RNF144B: variants seen among roughly 807,000 people sequenced by gnomAD.
The protein encoded by RNF144B is E3 ubiquitin-protein ligase RNF144B.
In RNF144B, 25 loss-of-function variants were observed where a neutral mutation model predicts 40.2. The ratio of observed to expected loss-of-function variants is 0.62; its 90% CI spans 0.45 to 0.87. RNF144B has a LOEUF of 0.87. RNF144B is among the 40% of genes least tolerant of loss of function. The pLI is 0.00. For synonymous variants in RNF144B, 145 were observed against 136.3 expected, an observed-to-expected ratio of 1.06 and a Z score of -0.44; for missense variants, 365 against 373.7, an observed-to-expected ratio of 0.98 and a Z score of 0.19.
At chr6:18,455,876 T>C (rs984567834) in intron 4 of RNF144B, among the ~76,000 whole-genome samples, 1 of 152,164 alleles carries the variant, frequency 6.6e-6, no homozygotes, top group Non-Finnish European at 1.5e-5. Flanking sequence ...GCCTTTTGTT[T>C]CTAGAACATG....
rs1312962385 is a variant in RNF144B, at chr6:18,459,443, G to A, written c.537-164G>A. ...CCAAAATAAATAAAGATTCCTTCTT[G>A]TATGAGTTATCTGTACATCTAATAA... On this transcript the variant is annotated intron_variant, in intron 5 of 7. Transcript: ENST00000259939. This position sits in a 1 kb window ranked among gnomAD's most constrained non-coding sequence, Gnocchi z 4.2. Among the ~76,000 whole-genome samples, 1 of 152,154 alleles carries A rather than the reference G, an allele frequency of 6.6e-6. No homozygotes were observed. The highest frequency in any genetic ancestry group is 1.5e-5 in the Non-Finnish European group (1 of 68,028).
intron 2 of RNF144B, among the ~76,000 whole-genome samples, chr6:18,403,469 A>C (rs1182402162): frequency 1.3e-5 from 2 of 152,250 alleles, no homozygotes; most frequent in Non-Finnish European, 1.5e-5. Flanking sequence ...AATAAAGTCC[A>C]GCCATATTCT....
At chr6:18,461,625 G>A (rs1759457530) in intron 6 of RNF144B, among the ~76,000 whole-genome samples, 1 of 152,188 alleles carries the variant, frequency 6.6e-6, no homozygotes, top group Non-Finnish European at 1.5e-5. Flanking sequence ...ATGAAATGGT[G>A]CAGATGTTAA....
rs1006955807 is a variant in RNF144B, at chr6:18,400,239, C to T, written c.165+540C>T. Among the ~76,000 whole-genome samples the T allele has an allele frequency of 6.7e-6, 1 of 150,036 alleles. No individual in the cohort carries two copies. Among genetic ancestry groups the T allele is most frequent in the Non-Finnish European group, 1.5e-5 (1 of 67,814 alleles). ...AGTGAGCCGAGATCAGGCCACTGCA[C>T]TCCAGCCTGGGCGACAGAGCGAGAC... On this transcript the variant is annotated intron_variant, in intron 2 of 7. Coordinates refer to ENST00000259939, the MANE Select transcript of RNF144B (RefSeq NM_182757.4). The surrounding 1 kb of genome is among the most constrained non-coding windows in gnomAD (Gnocchi z 5.6).
chr6:18,390,935 G>C (rs1244212863), intron 1 of RNF144B, among the ~76,000 whole-genome samples: 1 of 151,908 alleles, frequency 6.6e-6, no homozygotes, highest in Non-Finnish European at 1.5e-5. Context: ...AATTGGCAAA[G>C]ACATACAAAA....
Position 18,434,109 on chromosome 6 carries a change from G to C in RNF144B, c.271-5575G>C, listed in dbSNP as rs1481659889. ...ACTGTAGCAGAAGCATGATTTGAAGGACCAAACCTAAGTAAAGTCTGGGCG... is the reference window on the plus strand; with the variant it reads ...ACTGTAGCAGAAGCATGATTTGAAGCACCAAACCTAAGTAAAGTCTGGGCG... On this transcript the variant is annotated intron_variant, in intron 3 of 7. Coordinates refer to ENST00000259939, the MANE Select transcript of RNF144B (RefSeq NM_182757.4). The surrounding 1 kb of genome is among the most constrained non-coding windows in gnomAD (Gnocchi z 4.1). 1.3e-5 allele frequency among the ~76,000 whole-genome samples: 2 copies of C among 152,138 alleles called. No homozygotes were observed. The highest frequency in any genetic ancestry group is 2.9e-5 in the Non-Finnish European group (2 of 68,022).
At chr6:18,439,160 C>T (rs1348704772) in intron 3 of RNF144B, among the ~76,000 whole-genome samples, 3 of 152,004 alleles carry the variant, frequency 2.0e-5, no homozygotes, top group Non-Finnish European at 2.9e-5. Context: ...GTCCCATAAC[C>T]GAGGGCTCTA....
In RNF144B at chr6:18,387,387, C is replaced by G; in HGVS notation, c.-280C>G. ...ACGCTCCCGCTGCAACAGTCCCGGG[C>G]ATCGCAGCTGCCAGTCAAGGCTAGG... On this transcript the variant is annotated 5_prime_UTR_variant, in exon 1 of 8. Coordinates refer to ENST00000259939, the MANE Select transcript of RNF144B (RefSeq NM_182757.4). 1.7e-6 allele frequency: 2 copies of G among 1,166,208 alleles called. No homozygotes were observed. Among genetic ancestry groups the G allele is most frequent in the Non-Finnish European group, 2.2e-6 (2 of 927,538 alleles). 72.2% of individuals were successfully genotyped at this position (1,166,208 alleles called of 1,614,324 possible). A position where few individuals can be genotyped will look rare whatever the true frequency, so the allele number is the denominator to read the frequency against.
chr6:18,402,107 G>T (rs1794810863), intron 2 of RNF144B: 1 of 87,540 alleles, frequency 1.1e-5, no homozygotes, highest in African/African-American at 3.4e-5. Flanking sequence ...TTCTGTCATT[G>T]TCCTGTCTTC....
chr6:18,435,248 C>A (rs755468854), intron 3 of RNF144B, among the ~76,000 whole-genome samples: 5 of 152,102 alleles, frequency 3.3e-5, no homozygotes, highest in Non-Finnish European at 7.4e-5. Context: ...AAATTAAAGA[C>A]CATTAAGTAG....
rs983159297 is a variant in RNF144B, at chr6:18,419,555, A to G, written c.166-8026A>G. Among the ~76,000 whole-genome samples the G allele has an allele frequency of 1.3e-5, 2 of 152,082 alleles. No individual in the cohort carries two copies. The highest frequency in any genetic ancestry group is 3.9e-4 in the East Asian group (2 of 5,192). On this transcript the variant is annotated intron_variant, in intron 2 of 7. Coordinates refer to ENST00000259939, the MANE Select transcript of RNF144B (RefSeq NM_182757.4). The surrounding 1 kb of genome is among the most constrained non-coding windows in gnomAD (Gnocchi z 4.6). ...AGAGAGGAAGAATGAAAACCAGAAG[A>G]GTATGGGATCCAGAAGACAAGGGGA...
intron 4 of RNF144B, among the ~76,000 whole-genome samples, chr6:18,455,353 A>T (rs1759302430): frequency 6.6e-6 from 1 of 152,218 alleles, no homozygotes; most frequent in Non-Finnish European, 1.5e-5. Context: ...GAAAACTTAT[A>T]ACAAGATAGA....
At position 18,467,405 on chromosome 6, in the gene RNF144B, T is replaced by TG. The variant is rs1562063284; in HGVS notation, c.*2338_*2339insG. Reference sequence around the variant, plus strand: ...TCACTGAATTAGCTGCTTTTGTTTTTTTTTTTTTTTTTTTGCCAGGGCTAT... The same window carrying TG: ...TCACTGAATTAGCTGCTTTTGTTTTTGTTTTTTTTTTTTTTGCCAGGGCTAT... On this transcript the variant is annotated 3_prime_UTR_variant, in exon 8 of 8. Coordinates refer to ENST00000259939, the MANE Select transcript of RNF144B (RefSeq NM_182757.4). The TG allele has an allele frequency of 3.8e-5, 5 of 131,552 alleles. No individual in the cohort carries two copies. Among genetic ancestry groups the TG allele is most frequent in the African/African-American group, 1.3e-4 (5 of 38,562 alleles). 8.1% of individuals were successfully genotyped at this position (131,552 alleles called of 1,614,324 possible). A position where few individuals can be genotyped will look rare whatever the true frequency, so the allele number is the denominator to read the frequency against.
intron 2 of RNF144B, among the ~76,000 whole-genome samples, chr6:18,409,671 C>T (rs528485371): frequency 4.5e-4 from 67 of 149,042 alleles, no homozygotes; most frequent in African/African-American, 7.4e-4. Flanking sequence ...CCTGGGTTCA[C>T]GCAGTTCTCC....
chr6:18,445,102 A>G (rs1395954802), intron 4 of RNF144B, among the ~76,000 whole-genome samples: 1 of 151,902 alleles, frequency 6.6e-6, no homozygotes, highest in African/African-American at 2.4e-5. Flanking sequence ...AACACCTCCC[A>G]TCTCTCATTA....
Position 18,456,586 on chromosome 6 carries a change from A to G in RNF144B, c.332-569A>G, listed in dbSNP as rs1416064229. Among the ~76,000 whole-genome samples the G allele has an allele frequency of 6.6e-6, 1 of 152,216 alleles. No homozygotes were observed. The highest frequency in any genetic ancestry group is 1.5e-5 in the Non-Finnish European group (1 of 68,034). On this transcript the variant is annotated intron_variant, in intron 4 of 7. Coordinates refer to ENST00000259939, the MANE Select transcript of RNF144B (RefSeq NM_182757.4). The surrounding 1 kb of genome is among the most constrained non-coding windows in gnomAD (Gnocchi z 4.7). ...TCTAAAAGTCTTGTGAATTTTGTTT[A>G]CAGAGAACACTTTTTATCTGTTCAT...
In RNF144B at chr6:18,465,720, C is replaced by T. The variant is rs1759560201; in HGVS notation, c.*653C>T. On this transcript the variant is annotated 3_prime_UTR_variant, in exon 8 of 8. Coordinates refer to ENST00000259939, the MANE Select transcript of RNF144B (RefSeq NM_182757.4). ...AACTGCTGTGCAGAGGGAGTTGCCC[C>T]TTCCCAGTAAAAGAGTTGCAGCCTG... 2 of 152,234 alleles carry T rather than the reference C, an allele frequency of 1.3e-5. No individual in the cohort carries two copies. Among genetic ancestry groups the T allele is most frequent in the South Asian group, 4.1e-4 (2 of 4,830 alleles). 9.4% of individuals were successfully genotyped at this position (152,234 alleles called of 1,614,324 possible). A position where few individuals can be genotyped will look rare whatever the true frequency, so the allele number is the denominator to read the frequency against.
Position 18,460,614 on chromosome 6 carries a change from A to ACTCATGCTCTCTTGCG in RNF144B, c.681+863_681+864insCTCATGCTCTCTTGCG, listed in dbSNP as rs1759429067. 6.6e-6 allele frequency among the ~76,000 whole-genome samples: 1 copy of ACTCATGCTCTCTTGCG among 152,132 alleles called. No homozygotes were observed. Among genetic ancestry groups the ACTCATGCTCTCTTGCG allele is most frequent in the Admixed American group, 6.5e-5 (1 of 15,268 alleles). ...TCTTCTCTCCCTCATGCTCTCTTGC[A>ACTCATGCTCTCTTGCG]TGCTCTCACTCGCTCTCTCTCTCTC... On this transcript the variant is annotated intron_variant, in intron 6 of 7. Coordinates refer to ENST00000259939, the MANE Select transcript of RNF144B (RefSeq NM_182757.4). This position sits in a 1 kb window ranked among gnomAD's most constrained non-coding sequence, Gnocchi z 4.4.
Position 18,416,054 on chromosome 6 carries a change from G to A in RNF144B, c.166-11527G>A, listed in dbSNP as rs1335475976. ...CTTTGGTGTCAGCTGAGGGCTTACA[G>A]TTCTGAAGGCTAATGTTTCTTTGGA... On this transcript the variant is annotated intron_variant, in intron 2 of 7. Coordinates refer to ENST00000259939, the MANE Select transcript of RNF144B (RefSeq NM_182757.4). This position sits in a 1 kb window ranked among gnomAD's most constrained non-coding sequence, Gnocchi z 5.5. Among the ~76,000 whole-genome samples, 1 of 152,190 alleles carries A rather than the reference G, an allele frequency of 6.6e-6. No homozygotes were observed. The highest frequency in any genetic ancestry group is 2.4e-5 in the African/African-American group (1 of 41,444).
Sources: allele counts gnomAD v4.1 joint callset (sites outside exome capture counted in the v4.1 genomes callset), GRCh38; gene constraint gnomAD v4.1.1; non-coding constraint Gnocchi (gnomAD v3.1); transcripts MANE v1.5; gene names NCBI Gene and HGNC (gene_info 2026-07-23, HGNC 2026-07-21).